The following CSMD3 variants were observed in gnomAD, a reference collection of about 807,000 sequenced individuals.
CSMD3 encodes CUB and sushi domain-containing protein 3.
CSMD3 carries 177 observed loss-of-function variants against 435.2 expected under a neutral mutation model. That is an observed-to-expected ratio of 0.41 (90% CI 0.36 to 0.46). The LOEUF (loss-of-function observed/expected upper bound fraction) is 0.46. CSMD3 is among the 20% of genes least tolerant of loss of function. The probability of loss-of-function intolerance (pLI) is 0.34; values close to 1 mark genes in which losing one functional copy is unlikely to be tolerated. For synonymous variants in CSMD3, 1,656 were observed against 1,520.5 expected (o/e 1.09, Z -2.07); for missense variants, 4,265 against 4,504.6 (o/e 0.95, Z 1.52).
chr8:112,470,900 A>T (rs1818454055), intron 32 of CSMD3, among the ~76,000 whole-genome samples: 1 of 152,088 alleles, frequency 6.6e-6, no homozygotes, highest in Non-Finnish European at 1.5e-5. Flanking sequence ...CCACAAAAAA[A>T]ACAAGAAGAT....
At chr8:112,237,413 A>G in intron 66 of CSMD3, 65 bp from the exon 67 acceptor site, 2 of 1,175,452 alleles carry the variant, frequency 1.7e-6, no homozygotes, top group South Asian at 2.5e-5. Context: ...AGCATTAAAT[A>G]GAGTATTAGT....
intron 24 of CSMD3, among the ~76,000 whole-genome samples, chr8:112,562,127 T>G (rs1234119530): frequency 2.6e-5 from 4 of 151,690 alleles, no homozygotes; most frequent in African/African-American, 9.7e-5. Flanking sequence ...CAAAATCTCC[T>G]AATCAATTAC....
intron 38 of CSMD3, among the ~76,000 whole-genome samples, chr8:112,357,995 G>A (rs976127109): frequency 1.3e-5 from 2 of 152,124 alleles, no homozygotes; most frequent in African/African-American, 4.8e-5. Context: ...TACAAAAGCT[G>A]CAGACACTCA....
At chr8:113,410,031 T>C (rs2094550940) in intron 1 of CSMD3, among the ~76,000 whole-genome samples, 1 of 152,210 alleles carries the variant, frequency 6.6e-6, no homozygotes, top group Non-Finnish European at 1.5e-5. Context: ...TATTTATTCA[T>C]TTACTTACTG....
At chr8:113,248,479 A>G (rs1381403288) in intron 3 of CSMD3, among the ~76,000 whole-genome samples, 1 of 135,298 alleles carries the variant, frequency 7.4e-6, no homozygotes, top group African/African-American at 2.7e-5. Flanking sequence ...ATATATATGT[A>G]TATATACATA....
At chr8:112,397,828 C>A (rs1830981176) in intron 35 of CSMD3, among the ~76,000 whole-genome samples, 1 of 152,192 alleles carries the variant, frequency 6.6e-6, no homozygotes, top group Non-Finnish European at 1.5e-5. Context: ...TGCTGGCCCC[C>A]AAAATTAATG....
chr8:113,305,648 A>C (rs2093814242), intron 2 of CSMD3, among the ~76,000 whole-genome samples: 1 of 152,342 alleles, frequency 6.6e-6, no homozygotes, highest in South Asian at 2.1e-4. Flanking sequence ...TATAAACAAT[A>C]AATAGTTGTG....
chr8:112,552,749 A>G (rs1379527102), intron 25 of CSMD3, 29 bp from the exon 26 acceptor site: 1 of 1,601,866 alleles, frequency 6.2e-7, no homozygotes, highest in Admixed American at 1.7e-5. Context: ...AATTTAAGCC[A>G]CAATTTAATG....
At chr8:113,048,194 G>T (rs1459887455) in intron 5 of CSMD3, among the ~76,000 whole-genome samples, 1 of 148,322 alleles carries the variant, frequency 6.7e-6, no homozygotes, top group Non-Finnish European at 1.5e-5. Context: ...CTAGGTTCAC[G>T]CCATTCTCCT....
intron 6 of CSMD3, among the ~76,000 whole-genome samples, chr8:112,978,939 A>G (rs1373890887): frequency 6.6e-6 from 1 of 151,982 alleles, no homozygotes; most frequent in Non-Finnish European, 1.5e-5. Flanking sequence ...ATTAGCAATA[A>G]TAAAAAGACA....
intron 35 of CSMD3, among the ~76,000 whole-genome samples, chr8:112,397,061 C>T (rs1830915176): frequency 6.6e-6 from 1 of 152,162 alleles, no homozygotes; most frequent in Non-Finnish European, 1.5e-5. Flanking sequence ...CTGTACTTGA[C>T]TCTCACATTT....
chr8:112,561,018 T>G (rs2131248140), intron 24 of CSMD3, among the ~76,000 whole-genome samples: 1 of 151,802 alleles, frequency 6.6e-6, no homozygotes, highest in South Asian at 2.1e-4. Flanking sequence ...GTAAAATGGA[T>G]ATATTCTTTG....
At chr8:112,248,849 T>TC (rs1035674539) in intron 63 of CSMD3, among the ~76,000 whole-genome samples, 3 of 152,104 alleles carry the variant, frequency 2.0e-5, no homozygotes, top group Non-Finnish European at 4.4e-5. Context: ...CCATGAACCC[T>TC]CACCTTTGCC....
At chr8:112,278,320 T>A (rs760618346) in intron 59 of CSMD3, among the ~76,000 whole-genome samples, 1 of 152,214 alleles carries the variant, frequency 6.6e-6, no homozygotes, top group Non-Finnish European at 1.5e-5. Flanking sequence ...CTGATTTTGA[T>A]GCATTTTCTG....
intron 2 of CSMD3, among the ~76,000 whole-genome samples, chr8:113,304,914 TAAAAAAAA>T (rs71281210): frequency 8.3e-6 from 1 of 119,778 alleles, no homozygotes; most frequent in African/African-American, 3.1e-5. Flanking sequence ...TAAAGTATAA[TAAAAAAAA>T]AAAAAAAAGA....
chr8:112,927,138 T>C (rs529297059), intron 9 of CSMD3, among the ~76,000 whole-genome samples: 3 of 152,284 alleles, frequency 2.0e-5, no homozygotes, highest in Admixed American at 2.0e-4. Flanking sequence ...GTCTTTAAAC[T>C]AGCAATTTCA....
At chr8:113,408,288 C>T (rs560289709) in intron 1 of CSMD3, among the ~76,000 whole-genome samples, 1 of 151,880 alleles carries the variant, frequency 6.6e-6, no homozygotes, top group African/African-American at 2.4e-5. Context: ...CAGTTACAGA[C>T]AATCATAATG....
intron 4 of CSMD3, among the ~76,000 whole-genome samples, chr8:113,114,529 T>C (rs2090764839): frequency 6.6e-6 from 1 of 152,124 alleles, no homozygotes; most frequent in African/African-American, 2.4e-5. Context: ...GGATCCCAGG[T>C]GCAGAAAGAC....
chr8:112,903,001 C>T (rs1343454417), intron 10 of CSMD3, among the ~76,000 whole-genome samples: 1 of 151,036 alleles, frequency 6.6e-6, no homozygotes, highest in Non-Finnish European at 1.5e-5. Context: ...TTCTCAGCTA[C>T]TTTCCAGGTA....
Sources: allele counts gnomAD v4.1 joint callset (sites outside exome capture counted in the v4.1 genomes callset), GRCh38; gene constraint gnomAD v4.1.1; transcripts MANE v1.5; gene names NCBI Gene and HGNC (gene_info 2026-07-23, HGNC 2026-07-21).